PPA1: variants seen among roughly 807,000 people sequenced by gnomAD.
PPA1 encodes the protein inorganic pyrophosphatase.
PPA1 carries 23 observed loss-of-function variants against 41.8 expected under a neutral mutation model. The observed-to-expected ratio is 0.55, with a 90% confidence interval of 0.40 to 0.78. The LOEUF (loss-of-function observed/expected upper bound fraction) is 0.78. PPA1 is among the 30% of genes least tolerant of loss of function. PPA1 has a pLI of 0.00. For synonymous variants in PPA1, 101 were observed against 116.8 expected (o/e 0.86, Z 0.87); for missense variants, 320 against 361.6 (o/e 0.89, Z 0.93).
intron 2 of PPA1, among the ~76,000 whole-genome samples, chr10:70,227,088 A>G (rs567464881): frequency 1.4e-3 from 215 of 152,302 alleles, no homozygotes; most frequent in Middle Eastern, 0.014. Flanking sequence ...TACTGTTTAT[A>G]CCATGTTTTG....
chr10:70,232,576 T>C (rs1462050730), intron 1 of PPA1, among the ~76,000 whole-genome samples: 1 of 152,208 alleles, frequency 6.6e-6, no homozygotes, highest in African/African-American at 2.4e-5. Context: ...ACTTGGCACT[T>C]TCTCAGTCTT....
At chr10:70,230,590 C>T (rs1033791925) in intron 1 of PPA1, among the ~76,000 whole-genome samples, 191 bp from the exon 2 acceptor site, 2 of 152,052 alleles carry the variant, frequency 1.3e-5, no homozygotes, top group African/African-American at 4.8e-5. Flanking sequence ...GCCTCAGCCT[C>T]CTGAGCCGCT....
chr10:70,225,982 T>C (rs1382984109), intron 2 of PPA1, among the ~76,000 whole-genome samples: 1 of 152,198 alleles, frequency 6.6e-6, no homozygotes, highest in Non-Finnish European at 1.5e-5. Context: ...TGACCGAAGT[T>C]CACACTGTTG....
intron 1 of PPA1, 57 bp downstream of exon 1, chr10:70,233,207 G>A: frequency 1.3e-6 from 2 of 1,508,142 alleles, no homozygotes. Context: ...GGGGAGGCAA[G>A]GCCCGGGAAT....
intron 10 of PPA1, chr10:70,203,759 TAC>T (rs1839906090): frequency 6.6e-6 from 1 of 152,416 alleles, no homozygotes; most frequent in African/African-American, 2.4e-5. Context: ...AGAAAAATCT[TAC>T]AGAGAATTCT....
chr10:70,230,309 A>G (rs1280052929), intron 2 of PPA1, 32 bp downstream of exon 2: 3 of 1,609,188 alleles, frequency 1.9e-6, no homozygotes, highest in Non-Finnish European at 2.5e-6. Flanking sequence ...ATCTGAGTAA[A>G]GAGACTGTGT....
At chr10:70,231,194 T>C (rs1840286533) in intron 1 of PPA1, among the ~76,000 whole-genome samples, 1 of 152,220 alleles carries the variant, frequency 6.6e-6, no homozygotes, top group Admixed American at 6.5e-5. Flanking sequence ...GGCCTAACTA[T>C]AGCCAAAAAG....
intron 5 of PPA1, 89 bp from the exon 6 acceptor site, chr10:70,213,678 G>T: frequency 1.4e-6 from 2 of 1,429,084 alleles, no homozygotes; most frequent in South Asian, 1.4e-5. Context: ...TAAGAAAGAG[G>T]CCAAGTTCTT....
intron 2 of PPA1, among the ~76,000 whole-genome samples, chr10:70,219,563 C>A (rs997933412): frequency 6.6e-6 from 1 of 152,168 alleles, no homozygotes; most frequent in Admixed American, 6.6e-5. Context: ...GCTTCATTAT[C>A]CACATTATTC....
chr10:70,210,182 G>T (rs1840000822), intron 6 of PPA1: 2 of 351,016 alleles, frequency 5.7e-6, no homozygotes, highest in Admixed American at 8.4e-5. Context: ...CCACAGTTCA[G>T]CGATCCTCTC....
chr10:70,232,389 A>G (rs1840298139), intron 1 of PPA1, among the ~76,000 whole-genome samples: 1 of 151,646 alleles, frequency 6.6e-6, no homozygotes, highest in African/African-American at 2.4e-5. Context: ...GGGTGGGGGG[A>G]GTAAGAGGAT....
At chr10:70,218,440 A>G (rs1345731202) in intron 3 of PPA1, 3 of 244,354 alleles carry the variant, frequency 1.2e-5, no homozygotes, top group South Asian at 1.1e-4. Flanking sequence ...TGAAATTCCA[A>G]TGAGAGTATC....
At position 70,218,845 on chromosome 10, in the gene PPA1, G is replaced by T. The variant is rs757912304; in HGVS notation, c.124-28C>A. On this transcript the variant is annotated intron_variant, in intron 2 of 10. Coordinates refer to ENST00000373232, the MANE Select transcript of PPA1 (RefSeq NM_021129.4). ...GAAAAAACAAAGAGAAAGTGAGATG[G>T]TCACAGGAGCCAATTTGTTCTCTGA... is the stretch of plus-strand genomic sequence containing the variant. 1.9e-6 allele frequency: 3 copies of T among 1,575,806 alleles called. No homozygotes were observed. The Admixed American group carries it at 5.0e-5, about 26-fold the overall frequency.
At chr10:70,229,675 C>T (rs919530054) in intron 2 of PPA1, among the ~76,000 whole-genome samples, 3 of 152,168 alleles carry the variant, frequency 2.0e-5, no homozygotes, top group Non-Finnish European at 2.9e-5. Flanking sequence ...TTTACTGTTT[C>T]ATAAAGATCC....
chr10:70,209,107 C>T, intron 8 of PPA1, 98 bp downstream of exon 8: 7 of 840,670 alleles, frequency 8.3e-6, no homozygotes, highest in Non-Finnish European at 1.2e-5. Context: ...TATCTCTTTT[C>T]TAAGTGAAAG....
rs1839987036 is a variant in PPA1 at position 70,209,268 on chromosome 10, T to C, written c.662A>G (p.Lys221Arg). ...KDKDFAIDII[K>R]STHDHWKALV... is the part of the protein sequence containing the mutation. ...TGCTTTCCAATGGTCATGAGTGCTT[T>C]TAATAATATCAATGGCAAAGTCCTA... Residue 221 changes from lysine (K) to arginine (R), a missense_variant, in exon 8 of 11, where the codon AAA (lysine) becomes AGA (arginine). By Grantham distance (26) the Lys-to-Arg change is conservative. Transcript: ENST00000373232. 1.3e-6 allele frequency: 2 copies of C among 1,597,760 alleles called. No individual in the cohort carries two copies. Among genetic ancestry groups the C allele is most frequent in the Non-Finnish European group, 1.7e-6 (2 of 1,166,186 alleles).
At chr10:70,228,931 C>T (rs144825854) in intron 2 of PPA1, among the ~76,000 whole-genome samples, 22 of 152,266 alleles carry the variant, frequency 1.4e-4, no homozygotes, top group African/African-American at 4.6e-4. Context: ...TAGACGTGCA[C>T]TGCAAAGTGA....
chr10:70,206,175 T>G lies in PPA1; in HGVS notation c.795+89A>C. On this transcript the variant is annotated intron_variant, in intron 9 of 10. Coordinates refer to ENST00000373232, the MANE Select transcript of PPA1 (RefSeq NM_021129.4). ...CATGCATACAAAAGGCACTCAAGTA[T>G]TTGTCGAAACAAGTACTTCCTCTCC... is the stretch of plus-strand genomic sequence containing the variant. 1.1e-5 allele frequency: 11 copies of G among 1,023,302 alleles called. No individual in the cohort carries two copies. In the South Asian group the frequency reaches 1.3e-4, roughly 12 times the overall value. 63.4% of individuals were successfully genotyped at this position (1,023,302 alleles called of 1,614,324 possible).
rs772713636 is a variant in PPA1, at chr10:70,203,203, G to A, written c.839-17C>T. On this transcript the variant is annotated splice_polypyrimidine_tract_variant and intron_variant, in intron 10 of 10. Transcript: ENST00000373232. Reference sequence around the variant, plus strand: ...ACTTATCCACTGTATTCAGAGAAAAGAAAAACAAATTAGAATTCCTGTTGA... The same window carrying A: ...ACTTATCCACTGTATTCAGAGAAAAAAAAAACAAATTAGAATTCCTGTTGA... 4 of 1,597,962 alleles carry A rather than the reference G, an allele frequency of 2.5e-6. No homozygotes were observed. Among genetic ancestry groups the A allele is most frequent in the Non-Finnish European group, 3.4e-6 (4 of 1,169,504 alleles).
Sources: gnomAD v4.1 joint callset for allele counts (sites outside exome capture counted in the v4.1 genomes callset) on GRCh38, gnomAD v4.1.1 for gene constraint, MANE v1.5 for transcripts, NCBI Gene and HGNC (gene_info 2026-07-23, HGNC 2026-07-21) for gene names.